The following STAB2 variants were observed in gnomAD, a reference collection of about 807,000 sequenced individuals.
The protein encoded by STAB2 is stabilin 2, also known as stabilin-2.
STAB2 carries 288 observed loss-of-function variants against 338.1 expected under a neutral mutation model. The ratio of observed to expected loss-of-function variants is 0.85; its 90% CI spans 0.77 to 0.94. The LOEUF is 0.94. Among genes scored for constraint, STAB2 ranks in the 40% least tolerant of loss-of-function variants. The pLI is 0.00. For synonymous variants in STAB2, 1,202 were observed against 1,193.3 expected, an observed-to-expected ratio of 1.01 and a Z score of -0.15; for missense variants, 3,141 against 3,210.1, an observed-to-expected ratio of 0.98 and a Z score of 0.52.
intron 59 of STAB2, 38 bp from the exon 60 acceptor site, chr12:103,750,541 A>G (rs1172317334): frequency 1.2e-6 from 2 of 1,609,200 alleles, no homozygotes; most frequent in African/African-American, 1.3e-5. Flanking sequence ...GGTCCTAGAG[A>G]AGGAACTTTT....
chr12:103,687,204 A>G (rs913114757), intron 27 of STAB2, among the ~76,000 whole-genome samples: 6 of 152,168 alleles, frequency 3.9e-5, no homozygotes, highest in Non-Finnish European at 8.8e-5. Flanking sequence ...AGGTTTCACC[A>G]TATTCATTTT....
chr12:103,643,937 G>T (rs1432264193), intron 9 of STAB2, among the ~76,000 whole-genome samples: 1 of 79,942 alleles, frequency 1.3e-5, no homozygotes, highest in Non-Finnish European at 2.7e-5. Context: ...CCGGCCAGCC[G>T]CCCCGTCCGG....
chr12:103,728,695 C>T (rs912145062), intron 47 of STAB2, among the ~76,000 whole-genome samples, 154 bp from the exon 48 acceptor site: 1 of 152,156 alleles, frequency 6.6e-6, no homozygotes, highest in African/African-American at 2.4e-5. Flanking sequence ...GTCTGAACAG[C>T]CTCCACTCTA....
At chr12:103,672,992 A>C (rs1385976841) in intron 22 of STAB2, among the ~76,000 whole-genome samples, 2 of 152,182 alleles carry the variant, frequency 1.3e-5, no homozygotes, top group Non-Finnish European at 2.9e-5. Flanking sequence ...AATGGGGGAT[A>C]TAAAAGTACC....
intron 5 of STAB2, among the ~76,000 whole-genome samples, chr12:103,627,977 G>A (rs1228949818): frequency 1.3e-5 from 2 of 152,168 alleles, no homozygotes; most frequent in Non-Finnish European, 2.9e-5. Flanking sequence ...TACTAGGTAG[G>A]AGCTGGGTAA....
At chr12:103,620,320 T>C in intron 3 of STAB2, 148 bp from the exon 4 acceptor site, 1 of 630,028 alleles carries the variant, frequency 1.6e-6, no homozygotes, top group Non-Finnish European at 2.6e-6. Flanking sequence ...CTCCTGCCTT[T>C]TCTGTAAAAC....
At chr12:103,698,203 T>C (rs1593250618) in intron 33 of STAB2, among the ~76,000 whole-genome samples, 1 of 152,054 alleles carries the variant, frequency 6.6e-6, no homozygotes, top group African/African-American at 2.4e-5. Flanking sequence ...AAAGGAGAAA[T>C]GTGGGAAACA....
At chr12:103,682,840 C>T (rs1270591963) in intron 25 of STAB2, among the ~76,000 whole-genome samples, 1 of 152,120 alleles carries the variant, frequency 6.6e-6, no homozygotes, top group Non-Finnish European at 1.5e-5. Flanking sequence ...CCCAACTACT[C>T]AGGAGGCTGA....
In STAB2 at chr12:103,631,633, C is replaced by G; in HGVS notation, c.523C>G (p.Leu175Val). The G allele has an allele frequency of 6.2e-7, 1 of 1,614,158 alleles. No homozygotes were observed. The highest frequency in any genetic ancestry group is 1.1e-5 in the South Asian group (1 of 91,084). Residue 175 changes from leucine to valine, a missense_variant, in exon 6 of 69, where the codon CTA (leucine) becomes GTA (valine). Physicochemically the swap from Leu to Val is conservative, Grantham distance 32 (BLOSUM62 1). Coordinates refer to ENST00000388887, the MANE Select transcript of STAB2 (RefSeq NM_017564.10). Reference sequence around the variant, plus strand: ...TGTGCATGGGGTGTGCAACAGTGGACTAGATGGCGATGGAACCTGTGAGTG... The same window carrying G: ...TGTGCATGGGGTGTGCAACAGTGGAGTAGATGGCGATGGAACCTGTGAGTG... The part of the protein sequence containing the change: ...NCVHGVCNSG[L>V]DGDGTCECYS...
intron 9 of STAB2, among the ~76,000 whole-genome samples, chr12:103,644,102 G>C (rs1873147915): frequency 1.9e-5 from 2 of 106,536 alleles, no homozygotes; most frequent in East Asian, 4.5e-4. Flanking sequence ...GGGGAAAGGT[G>C]GGGAAAGGAT....
chr12:103,726,133 G>C lies in STAB2; in HGVS notation c.4821G>C (p.Pro1607=), dbSNP rs548309631. Residue 1607 remains proline (P), a synonymous_variant, in exon 46 of 69, where the codon CCG becomes CCC. Coordinates refer to ENST00000388887, the MANE Select transcript of STAB2 (RefSeq NM_017564.10). ...GSIYQELPKN[P]KTSQYFFQLQ... ...GTTTGCAGGAGCTTCCCAAGAACCC[G>C]AAAACTTCCCAGTATTTCTTCCAGT... 1 of 1,613,832 alleles carries C rather than the reference G, an allele frequency of 6.2e-7. No homozygotes were observed. The highest frequency in any genetic ancestry group is 8.5e-7 in the Non-Finnish European group (1 of 1,179,838).
chr12:103,725,750 G>A (rs989156034), intron 45 of STAB2, among the ~76,000 whole-genome samples: 2 of 152,202 alleles, frequency 1.3e-5, no homozygotes, highest in African/African-American at 4.8e-5. Flanking sequence ...GTTATTTAAA[G>A]AGGGACAAAA....
Position 103,762,496 on chromosome 12 carries a change from C to T in STAB2, c.7488+94C>T, listed in dbSNP as rs148572602. 986 of 1,583,816 alleles carry T rather than the reference C, an allele frequency of 6.2e-4. 4 individuals are homozygous for T. In the African/African-American group the frequency reaches 0.011, roughly 17 times the overall value. On this transcript the variant is annotated intron_variant, in intron 67 of 68. Transcript: ENST00000388887. ...CTTCAGTCGGTGGCTGCGCCAGAGT[C>T]CTCACCCAGAAGCAGTGTGTCACAC...
At chr12:103,754,517 C>T (rs1235672957) in intron 61 of STAB2, among the ~76,000 whole-genome samples, 1 of 152,028 alleles carries the variant, frequency 6.6e-6, no homozygotes, top group Non-Finnish European at 1.5e-5. Context: ...TGCAAGAGAA[C>T]CTGACCCCAG....
intron 27 of STAB2, 77 bp downstream of exon 27, chr12:103,685,161 A>C: frequency 7.7e-7 from 1 of 1,291,242 alleles, no homozygotes; most frequent in Non-Finnish European, 1.1e-6. Context: ...CTTTAAAGTG[A>C]TCTATTGACA....
chr12:103,710,586 C>G (rs1879763046), intron 39 of STAB2, among the ~76,000 whole-genome samples: 1 of 152,170 alleles, frequency 6.6e-6, no homozygotes, highest in Admixed American at 6.5e-5. Context: ...AGGTTTAGAG[C>G]AGGTTCCAGA....
At chr12:103,735,742 C>T (rs954936830) in intron 52 of STAB2, among the ~76,000 whole-genome samples, 162 bp downstream of exon 52, 2 of 152,074 alleles carry the variant, frequency 1.3e-5, no homozygotes, top group African/African-American at 2.4e-5. Context: ...CCTGAGACTG[C>T]GTCATTGGAT....
intron 5 of STAB2, among the ~76,000 whole-genome samples, chr12:103,627,217 G>T (rs965313328): frequency 6.6e-6 from 1 of 152,190 alleles, no homozygotes; most frequent in Non-Finnish European, 1.5e-5. Context: ...GCCCCAGTCT[G>T]CCTCTGGTGA....
chr12:103,763,284 TCA>T (rs1356283038), intron 67 of STAB2: 1 of 582,342 alleles, frequency 1.7e-6, no homozygotes, highest in Non-Finnish European at 3.1e-6. Context: ...TTGGTGGTGA[TCA>T]CAAATGGGCA....
Sources: allele counts gnomAD v4.1 joint callset (sites outside exome capture counted in the v4.1 genomes callset), GRCh38; gene constraint gnomAD v4.1.1; transcripts MANE v1.5; gene names NCBI Gene and HGNC (gene_info 2026-07-23, HGNC 2026-07-21).